Variants in AKAP9 observed in about 807,000 individuals in gnomAD.
AKAP9 encodes A-kinase anchoring protein 9.
Under a neutral mutation model 488.5 loss-of-function variants are expected in AKAP9, and 311 were observed. The observed-to-expected ratio is 0.64, with a 90% CI of 0.58 to 0.70. The LOEUF is 0.70. AKAP9 is among the 30% of genes least tolerant of loss of function. The probability of loss-of-function intolerance (pLI) is 0.00; values close to 1 mark genes in which losing one functional copy is unlikely to be tolerated. For missense variants in AKAP9, 4,215 were observed against 4,374.5 expected, an observed-to-expected ratio of 0.96 and a Z score of 1.03; for synonymous variants, 1,462 against 1,483.5, an observed-to-expected ratio of 0.99 and a Z score of 0.33.
intron 1 of AKAP9, among the ~76,000 whole-genome samples, chr7:91,958,073 T>G (rs1793276296): frequency 6.6e-6 from 1 of 152,210 alleles, no homozygotes; most frequent in African/African-American, 2.4e-5. Context: ...GATATTCATG[T>G]GTTTATTACA....
In AKAP9 at chr7:92,038,626, C is replaced by T. The variant is rs1805556930; in HGVS notation, c.4546C>T (p.Pro1516Ser). 1.9e-6 allele frequency: 3 copies of T among 1,613,416 alleles called. No individual in the cohort carries two copies. The highest frequency in any genetic ancestry group is 1.3e-5 in the African/African-American group (1 of 74,862). The change falls in exon 17 of 50, where the codon CCA becomes TCA. Residue 1516 changes from proline (P) to serine (S), a missense_variant. By Grantham distance (74) the Pro-to-Ser change is moderately conservative. This residue lies in a region of AKAP9 where 2,361 missense variants were observed against 2,430.0 expected (regional missense o/e 0.97). Transcript: ENST00000356239. The part of the protein sequence containing the change: ...VDVKFKEEFK[P>S]LSKELGEHGK... ...TGTGAAATTTAAAGAAGAATTTAAA[C>T]CACTTAGTAAAGAGTTAGGAGAACA...
At position 91,992,678 on chromosome 7, in the gene AKAP9, A is replaced by C. The variant is rs10270342; in HGVS notation, c.406-207A>C. ...GACTCTGTCAAAAAAAAAAAAAAAA[A>C]AAAAAAACTCAATTGTAACAGAATT... On this transcript the variant is annotated intron_variant, in intron 4 of 49. Transcript: ENST00000356239. 2.6e-3 allele frequency among the ~76,000 whole-genome samples: 377 copies of C among 143,734 alleles called. 9 individuals are homozygous for C. The highest frequency in any genetic ancestry group is 4.7e-3 in the African/African-American group (182 of 38,586). 94.3% of individuals were successfully genotyped at this position (143,734 alleles called of 152,430 possible).
intron 14 of AKAP9, among the ~76,000 whole-genome samples, chr7:92,025,052 T>C (rs939295213): frequency 6.6e-6 from 1 of 152,212 alleles, no homozygotes; most frequent in African/African-American, 2.4e-5. Flanking sequence ...TCATACTCAA[T>C]AGCTTTGAGA....
chr7:92,015,901 T>C (rs754788117), intron 10 of AKAP9, among the ~76,000 whole-genome samples: 3 of 152,142 alleles, frequency 2.0e-5, no homozygotes, highest in African/African-American at 4.8e-5. Context: ...AAAATTATAG[T>C]TTTGTGCAAT....
chr7:92,097,131 T>C lies in AKAP9; in HGVS notation c.10172T>C (p.Leu3391Pro), dbSNP rs1816745913. The C allele has an allele frequency of 6.2e-7, 1 of 1,614,142 alleles. No homozygotes were observed. Residue 3391 changes from leucine (L) to proline (P), a missense_variant, in exon 41 of 50, where the codon CTG becomes CCG. This residue lies in a region of AKAP9 where 1,476 missense variants were observed against 1,477.4 expected (regional missense o/e 1.00). Transcript: ENST00000356239. Reference sequence around the variant, plus strand: ...GATAGGCAGGTTCACAGGAAAACACTGCAGACAGAACAGGAGGCCAACACT... The same window carrying C: ...GATAGGCAGGTTCACAGGAAAACACCGCAGACAGAACAGGAGGCCAACACT... ...EKDRQVHRKT[L>P]QTEQEANTEG... is the part of the protein sequence containing the mutation.
rs1378818298 is a variant in AKAP9 at position 92,001,332 on chromosome 7, A to G, written c.1415A>G (p.Glu472Gly). ...AAAACACGGCATAAGGGAGAAATGG[A>G]GAATGCTTTAAGGTCATATTCAAAT... is the stretch of plus-strand genomic sequence containing the variant. The part of the protein sequence containing the change: ...EMKTRHKGEM[E>G]NALRSYSNIT... The change falls in exon 8 of 50, where the codon GAG (glutamate) becomes GGG (glycine). Residue 472 changes from glutamate (E) to glycine (G), a missense_variant. Glu to Gly is a moderately conservative substitution (Grantham distance 98). Coordinates refer to ENST00000356239, the MANE Select transcript of AKAP9 (RefSeq NM_005751.5). The G allele has an allele frequency of 1.2e-6, 2 of 1,613,922 alleles. No individual in the cohort carries two copies. Among genetic ancestry groups the G allele is most frequent in the Admixed American group, 3.3e-5 (2 of 60,004 alleles).
At chr7:92,083,757 CAT>C (rs1171081969) in intron 33 of AKAP9, 102 bp downstream of exon 33, 17 of 1,201,958 alleles carry the variant, frequency 1.4e-5, no homozygotes, top group African/African-American at 3.1e-5. Context: ...AAATGCAACT[CAT>C]TAAGGCACTT....
intron 32 of AKAP9, among the ~76,000 whole-genome samples, chr7:92,082,931 C>G (rs1054940826): frequency 6.6e-6 from 1 of 152,026 alleles, no homozygotes; most frequent in Non-Finnish European, 1.5e-5. Context: ...ACTGTATATC[C>G]CATGAGAACC....
At chr7:92,021,198 A>G (rs559672868) in intron 12 of AKAP9, among the ~76,000 whole-genome samples, 1 of 152,322 alleles carries the variant, frequency 6.6e-6, no homozygotes, top group Admixed American at 6.5e-5. Flanking sequence ...TCAGATCCAC[A>G]TCAGTCTTCT....
At chr7:92,028,842 C>T (rs1168291048) in intron 14 of AKAP9, among the ~76,000 whole-genome samples, 2 of 151,994 alleles carry the variant, frequency 1.3e-5, no homozygotes, top group African/African-American at 4.8e-5. Context: ...TGGAAGTGTG[C>T]CAAGATATGT....
In AKAP9 at chr7:91,992,249, A is replaced by G. The variant is rs746539511; in HGVS notation, c.405+38A>G. Reference sequence around the variant, plus strand: ...AAACTACTTGTGATACTAATGTTGGATACTATTTAAAATCATCTGGCTTAC... The same window carrying G: ...AAACTACTTGTGATACTAATGTTGGGTACTATTTAAAATCATCTGGCTTAC... On this transcript the variant is annotated intron_variant, in intron 4 of 49. Coordinates refer to ENST00000356239, the MANE Select transcript of AKAP9 (RefSeq NM_005751.5). The G allele has an allele frequency of 6.2e-6, 9 of 1,451,078 alleles. No individual in the cohort carries two copies. In the Admixed American group the frequency reaches 1.3e-4, roughly 22 times the overall value. 89.9% of individuals were successfully genotyped at this position (1,451,078 alleles called of 1,614,324 possible). A position where few individuals can be genotyped will look rare whatever the true frequency, so the allele number is the denominator to read the frequency against.
At position 92,097,348 on chromosome 7, in the gene AKAP9, C is replaced by G. The variant is rs998727264; in HGVS notation, c.10389C>G (p.Asn3463Lys). 1 of 1,613,064 alleles carries G rather than the reference C, an allele frequency of 6.2e-7. No individual in the cohort carries two copies. Among genetic ancestry groups the G allele is most frequent in the Non-Finnish European group, 8.5e-7 (1 of 1,179,676 alleles). The change falls in exon 41 of 50, where the codon AAC becomes AAG. Residue 3463 changes from asparagine to lysine, a missense_variant. Transcript: ENST00000356239. ...AAAGTAGAAGAATTCTGTATCAGAA[C>G]CTTAATGAGGTAAACTGACAGTTTC... ...KRESRRILYQ[N>K]LNEPTTWSLT...
At chr7:92,071,469 GATTA>G (rs1430471922) in intron 28 of AKAP9, among the ~76,000 whole-genome samples, 12 of 150,620 alleles carry the variant, frequency 8.0e-5, no homozygotes, top group Non-Finnish European at 1.3e-4. Context: ...AAAACAAAAA[GATTA>G]ATAGTAAATT....
intron 1 of AKAP9, among the ~76,000 whole-genome samples, chr7:91,967,496 G>C (rs1794561751): frequency 6.6e-6 from 1 of 152,070 alleles, no homozygotes; most frequent in South Asian, 2.1e-4. Flanking sequence ...CCAGTTTGTT[G>C]AGGGTTTCTA....
At chr7:92,007,885 G>C (rs1257892706) in intron 8 of AKAP9, among the ~76,000 whole-genome samples, 1 of 152,214 alleles carries the variant, frequency 6.6e-6, no homozygotes, top group East Asian at 1.9e-4. Flanking sequence ...ACAATGTTTA[G>C]CCTTAAATAT....
chr7:91,978,515 T>TCTGACAAA (rs1335977057), intron 2 of AKAP9, among the ~76,000 whole-genome samples: 1 of 152,136 alleles, frequency 6.6e-6, no homozygotes, highest in Non-Finnish European at 1.5e-5. Flanking sequence ...AAATTTGGAT[T>TCTGACAAA]TGTTCCTTGA....
At chr7:92,035,464 C>G (rs1023828843) in intron 16 of AKAP9, among the ~76,000 whole-genome samples, 24 of 152,204 alleles carry the variant, frequency 1.6e-4, no homozygotes, top group South Asian at 4.1e-4. Flanking sequence ...TTTTCTTTAG[C>G]CTAAAAACCT....
chr7:92,098,757 C>T (rs771324340), intron 43 of AKAP9, among the ~76,000 whole-genome samples: 30 of 152,072 alleles, frequency 2.0e-4, no homozygotes, highest in Non-Finnish European at 3.1e-4. Context: ...TCACACAGTC[C>T]GACACCCTGA....
At chr7:91,959,711 T>A (rs2130505757) in intron 1 of AKAP9, among the ~76,000 whole-genome samples, 1 of 152,224 alleles carries the variant, frequency 6.6e-6, no homozygotes, top group South Asian at 2.1e-4. Context: ...ATGACGGTGG[T>A]CCAAAACCTT....
Sources: gnomAD v4.1 joint callset for allele counts (sites outside exome capture counted in the v4.1 genomes callset) on GRCh38, gnomAD v4.1.1 for gene constraint, gnomAD v4.1.1 regional missense constraint, MANE v1.5 for transcripts, NCBI Gene and HGNC (gene_info 2026-07-23, HGNC 2026-07-21) for gene names.